The following TSC22D3 variants were observed in gnomAD, a reference collection of about 807,000 sequenced individuals.
TSC22D3 encodes TSC22 domain family protein 3.
In TSC22D3, 4 loss-of-function variants were observed where a neutral mutation model predicts 11.1. That is an observed-to-expected ratio of 0.36 (90% CI 0.18 to 0.83). The LOEUF (loss-of-function observed/expected upper bound fraction) is 0.83. Ranked by LOEUF, TSC22D3 falls within the 40% of genes least tolerant of loss-of-function variation. The probability of loss-of-function intolerance (pLI) is 0.48; values close to 1 mark genes in which losing one functional copy is unlikely to be tolerated. For missense variants in TSC22D3, 118 were observed against 159.4 expected (o/e 0.74, Z 1.40); for synonymous variants, 77 against 70.3 (o/e 1.10, Z -0.48).
chrX:107,727,671 G>A (rs936056262), intron 1 of TSC22D3, among the ~76,000 whole-genome samples: 7 of 111,786 alleles, frequency 6.3e-5, no homozygotes, highest in South Asian at 3.7e-4. Context: ...CCCAAACACC[G>A]CTGGCAAAAT....
chrX:107,771,907 A>G (rs934998282), intron 1 of TSC22D3, among the ~76,000 whole-genome samples: 2 of 112,620 alleles, frequency 1.8e-5, no homozygotes, highest in African/African-American at 6.5e-5. Flanking sequence ...CGGAAGGAAA[A>G]CAACTTTTAA....
At chrX:107,747,335 G>A (rs1269341226) in intron 1 of TSC22D3, among the ~76,000 whole-genome samples, 1 of 112,323 alleles carries the variant, frequency 8.9e-6, no homozygotes, top group East Asian at 2.8e-4. Context: ...ACTGGGAAAA[G>A]GACTTTTGGA....
intron 1 of TSC22D3, among the ~76,000 whole-genome samples, chrX:107,768,400 CA>C (rs1324780565): frequency 8.9e-6 from 1 of 112,374 alleles, no homozygotes; most frequent in Admixed American, 9.4e-5. Flanking sequence ...TCTGCAAGTG[CA>C]AATATAAGCA....
intron 1 of TSC22D3, among the ~76,000 whole-genome samples, chrX:107,732,966 T>C (rs1168440404): frequency 9.1e-6 from 1 of 110,093 alleles, no homozygotes; most frequent in Non-Finnish European, 1.9e-5. Context: ...CCAGGCATGG[T>C]GGTGCACACC....
chrX:107,719,006 A>G (rs1927198318), intron 1 of TSC22D3, among the ~76,000 whole-genome samples: 1 of 111,959 alleles, frequency 8.9e-6, no homozygotes, highest in Admixed American at 9.4e-5. Flanking sequence ...TCTGCACCAC[A>G]TAGAGTTTTC....
rs140912684 is a variant in TSC22D3 at position 107,736,250 on chromosome X, C to T, written c.321-20300G>A. ...TGGTAAGGGGCTAACTCATTCCTCT[C>T]ACTTGAATGAGGTACAGAGGAGGGA... On this transcript the variant is annotated intron_variant, in intron 1 of 2. Coordinates refer to ENST00000372383, the MANE Select transcript of TSC22D3 (RefSeq NM_198057.3). Among the ~76,000 whole-genome samples, 285 of 111,752 alleles carry T rather than the reference C, an allele frequency of 2.6e-3. 1 individual carries two copies. Among genetic ancestry groups the T allele is most frequent in the African/African-American group, 8.8e-3 (271 of 30,710 alleles).
intron 1 of TSC22D3, chrX:107,716,980 C>T (rs2061072362): frequency 9.6e-7 from 1 of 1,044,786 alleles, no homozygotes; most frequent in South Asian, 2.7e-5. Context: ...AGCAGGCGCT[C>T]CAGCTGGAGT....
At position 107,714,649 on chromosome X, in the gene TSC22D3, C is replaced by T. The variant is rs148380602; in HGVS notation, c.473G>A (p.Arg158His). The change falls in exon 3 of 3, where the codon CGT becomes CAT. Residue 158 changes from arginine (R) to histidine (H), a missense_variant. By Grantham distance (29) the Arg-to-His change is conservative. Coordinates refer to ENST00000372383, the MANE Select transcript of TSC22D3 (RefSeq NM_198057.3). Reference sequence around the variant, plus strand: ...CAGGGTCTTCAACAGGGTGTTCTCACGCTCTAGCTGGGAGTTCTTCTCCAC... The same window carrying T: ...CAGGGTCTTCAACAGGGTGTTCTCATGCTCTAGCTGGGAGTTCTTCTCCAC... ...ELVEKNSQLE[R>H]ENTLLKTLAS... The T allele has an allele frequency of 6.4e-5, 78 of 1,209,813 alleles. No individual in the cohort carries two copies. The highest frequency in any genetic ancestry group is 1.2e-4 in the African/African-American group (7 of 57,034).
At chrX:107,740,633 C>G (rs755767246) in intron 1 of TSC22D3, among the ~76,000 whole-genome samples, 1 of 110,544 alleles carries the variant, frequency 9.0e-6, no homozygotes, top group Non-Finnish European at 1.9e-5. Flanking sequence ...GTTGAAGAAC[C>G]ATGACGGTGA....
At chrX:107,744,291 G>A (rs180848131) in intron 1 of TSC22D3, among the ~76,000 whole-genome samples, 36 of 110,896 alleles carry the variant, frequency 3.2e-4, no homozygotes, top group Non-Finnish European at 6.0e-4. Context: ...GAGATAGGGT[G>A]ACCTGGATAT....
intron 1 of TSC22D3, among the ~76,000 whole-genome samples, chrX:107,759,219 C>T (rs1929319538): frequency 9.0e-6 from 1 of 111,167 alleles, no homozygotes; most frequent in East Asian, 2.8e-4. Flanking sequence ...GGGACCCCCT[C>T]TTGGGGTCAT....
chrX:107,733,719 G>A (rs1010263790), intron 1 of TSC22D3, among the ~76,000 whole-genome samples: 1 of 111,894 alleles, frequency 8.9e-6, no homozygotes, highest in African/African-American at 3.3e-5. Flanking sequence ...GGGACTCTGG[G>A]GAGTAATGAC....
intron 1 of TSC22D3, among the ~76,000 whole-genome samples, chrX:107,723,022 C>T (rs1201395569): frequency 9.1e-6 from 1 of 110,197 alleles, no homozygotes; most frequent in East Asian, 2.9e-4. Context: ...GAAATGTTTG[C>T]TTCAGGAAAA....
chrX:107,741,212 G>C (rs1477422190), intron 1 of TSC22D3, among the ~76,000 whole-genome samples: 1 of 112,680 alleles, frequency 8.9e-6, no homozygotes, highest in Non-Finnish European at 1.9e-5. Flanking sequence ...TACAAACGCA[G>C]CTCAGAGCTG....
rs1926898500 is a variant in TSC22D3 at position 107,714,446 on chromosome X, G to A, written c.*73C>T. The A allele has an allele frequency of 3.1e-6, 3 of 969,170 alleles. No homozygotes were observed. The highest frequency in any genetic ancestry group is 3.8e-4 in the Middle Eastern group (1 of 2,601). The allele number at this position is 969,170 out of a possible 1,213,427, so 79.9% of individuals were successfully genotyped here. On this transcript the variant is annotated 3_prime_UTR_variant, in exon 3 of 3. Coordinates refer to ENST00000372383, the MANE Select transcript of TSC22D3 (RefSeq NM_198057.3). ...TTCTCCTCGTGAGATGATGCTTGGG[G>A]AGCCAAAAACAAACTGGAAAGAACT...
At chrX:107,755,910 A>G (rs1292774511) in intron 1 of TSC22D3, among the ~76,000 whole-genome samples, 3 of 112,126 alleles carry the variant, frequency 2.7e-5, no homozygotes, top group Non-Finnish European at 5.6e-5. Context: ...CATGTCTGCC[A>G]GGAACGTGGT....
intron 1 of TSC22D3, among the ~76,000 whole-genome samples, chrX:107,748,989 CCTACTGGACCCCGTCTG>C (rs1928802138): frequency 9.0e-6 from 1 of 111,328 alleles, no homozygotes; most frequent in Admixed American, 9.6e-5. Context: ...AGCATCCTCC[CCTACTGGACCCCGTCTG>C]CTAGCAGAGG....
chrX:107,725,420 C>T (rs543761512), intron 1 of TSC22D3, among the ~76,000 whole-genome samples: 1 of 111,407 alleles, frequency 9.0e-6, no homozygotes, highest in Middle Eastern at 4.6e-3. Context: ...GGGTATTTCT[C>T]AGGTGTTTTG....
At chrX:107,765,598 C>T (rs1253567270) in intron 1 of TSC22D3, among the ~76,000 whole-genome samples, 1 of 112,932 alleles carries the variant, frequency 8.9e-6, no homozygotes, top group East Asian at 2.8e-4. Flanking sequence ...GAATGAGGTG[C>T]TGCCATCATT....
Sources: allele counts gnomAD v4.1 joint callset (sites outside exome capture counted in the v4.1 genomes callset), GRCh38; gene constraint gnomAD v4.1.1; transcripts MANE v1.5; gene names NCBI Gene and HGNC (gene_info 2026-07-23, HGNC 2026-07-21).